GARIN5A: variants seen among roughly 807,000 people sequenced by gnomAD.
GARIN5A encodes Golgi-associated RAB2 interactor protein 5A.
the GARIN5A span, among the ~76,000 whole-genome samples, chr19:50,471,854 A>G: frequency 5.0e-3 from 759 of 150,770 alleles, 10 homozygotes; most frequent in East Asian, 0.027. Flanking sequence ...GCATACGCAT[A>G]CATACATGTG....
At chr19:50,475,942 A>T in the GARIN5A span, 3 of 1,612,382 alleles carry the variant, frequency 1.9e-6, no homozygotes, top group Non-Finnish European at 1.7e-6. Flanking sequence ...GGCTGCAACC[A>T]GGAGGCATTT....
chr19:50,474,887 G>T, the GARIN5A span, among the ~76,000 whole-genome samples: 1 of 152,166 alleles, frequency 6.6e-6, no homozygotes, highest in Non-Finnish European at 1.5e-5. Context: ...TGACAAGCTT[G>T]GCATTCCAAT....
At chr19:50,476,123 C>G in the GARIN5A span, 81 of 1,613,068 alleles carry the variant, frequency 5.0e-5, no homozygotes, top group African/African-American at 6.7e-4. Context: ...TGGCTCCCCT[C>G]TCTCACCTGC....
the GARIN5A span, chr19:50,476,564 G>T: frequency 6.3e-7 from 1 of 1,575,136 alleles, no homozygotes; most frequent in Non-Finnish European, 8.6e-7. Context: ...GCCAGCGCTG[G>T]GGCAACCCGG....
the GARIN5A span, chr19:50,475,421 G>A: frequency 6.2e-7 from 1 of 1,609,894 alleles, no homozygotes; most frequent in Non-Finnish European, 8.5e-7. Flanking sequence ...CACCCCCATG[G>A]TGACCTCGTT....
the GARIN5A span, among the ~76,000 whole-genome samples, chr19:50,470,657 GTTT>G: frequency 4.5e-5 from 6 of 133,986 alleles, no homozygotes; most frequent in African/African-American, 1.7e-4. Flanking sequence ...GGCTACTGCT[GTTT>G]TTTTTTTTTT....
the GARIN5A span, among the ~76,000 whole-genome samples, chr19:50,472,191 T>TATACATGTGTATACGTATGTATAC: frequency 2.7e-5 from 4 of 145,890 alleles, no homozygotes; most frequent in Non-Finnish European, 1.5e-5. Context: ...TGTATACATG[T>TATACATGTGTATACGTATGTATAC]ATGTGTGCAT....
the GARIN5A span, among the ~76,000 whole-genome samples, chr19:50,472,002 A>G: frequency 6.7e-6 from 1 of 149,830 alleles, no homozygotes; most frequent in African/African-American, 2.5e-5. Flanking sequence ...ATATACGTGT[A>G]TGTATATATA....
chr19:50,476,566 G>A, the GARIN5A span: 1 of 1,575,274 alleles, frequency 6.3e-7, no homozygotes, highest in Non-Finnish European at 8.6e-7. Context: ...CAGCGCTGGG[G>A]CAACCCGGCT....
chr19:50,467,510 C>CCCCTCTG, the GARIN5A span: 1 of 1,282,422 alleles, frequency 7.8e-7, no homozygotes, highest in Non-Finnish European at 1.1e-6. Flanking sequence ...TCAGACACCT[C>CCCCTCTG]CCCTCTGCCC....
chr19:50,476,409 G>A, the GARIN5A span: 13 of 1,545,012 alleles, frequency 8.4e-6, no homozygotes, highest in Admixed American at 2.3e-4. Flanking sequence ...TCAGGCCCCA[G>A]GTGCGGACGG....
chr19:50,475,893 G>A, the GARIN5A span: 3 of 1,614,044 alleles, frequency 1.9e-6, no homozygotes, highest in East Asian at 4.5e-5. Flanking sequence ...CGCCGCTCTG[G>A]AGGTAGCGTT....
At chr19:50,474,180 CTCT>C in the GARIN5A span, among the ~76,000 whole-genome samples, 49 of 97,986 alleles carry the variant, frequency 5.0e-4, no homozygotes, top group Non-Finnish European at 8.7e-4. Flanking sequence ...TTTTTATTCT[CTCT>C]TTTTTTTTTT....
the GARIN5A span, among the ~76,000 whole-genome samples, chr19:50,470,657 G>GTTT: frequency 9.7e-5 from 13 of 133,988 alleles, 1 homozygote; most frequent in African/African-American, 2.5e-4. Context: ...GGCTACTGCT[G>GTTT]TTTTTTTTTT....
the GARIN5A span, chr19:50,475,207 C>G: frequency 5.0e-6 from 7 of 1,404,574 alleles, no homozygotes; most frequent in South Asian, 6.0e-5. Context: ...CAGGGAGGGC[C>G]GGTAGCACTG....
At chr19:50,472,269 ATG>A in the GARIN5A span, among the ~76,000 whole-genome samples, 2 of 102,200 alleles carry the variant, frequency 2.0e-5, no homozygotes, top group African/African-American at 9.3e-5. Context: ...GTGTGTATAT[ATG>A]TATATATACA....
At chr19:50,475,717 T>C in the GARIN5A span, 1 of 776,540 alleles carries the variant, frequency 1.3e-6, no homozygotes, top group Non-Finnish European at 2.2e-6. Context: ...CACATAGGAG[T>C]TGGGAGTCGG....
At chr19:50,470,011 C>T in the GARIN5A span, among the ~76,000 whole-genome samples, 1 of 152,200 alleles carries the variant, frequency 6.6e-6, no homozygotes, top group Non-Finnish European at 1.5e-5. Flanking sequence ...GTGCTCTCCT[C>T]TTATCCCTGT....
the GARIN5A span, among the ~76,000 whole-genome samples, chr19:50,469,142 C>T: frequency 6.6e-6 from 1 of 152,188 alleles, no homozygotes; most frequent in African/African-American, 2.4e-5. Flanking sequence ...GAGCCCCTTG[C>T]TCCCTCTCTG....
Sources: allele counts gnomAD v4.1 joint callset (sites outside exome capture counted in the v4.1 genomes callset), GRCh38; gene constraint gnomAD v4.1.1; transcripts MANE v1.5; gene names NCBI Gene and HGNC (gene_info 2026-07-23, HGNC 2026-07-21).